The following DOCK1 variants were observed in gnomAD, a reference collection of about 807,000 sequenced individuals.
The protein encoded by DOCK1 is dedicator of cytokinesis protein 1.
In DOCK1, 138 loss-of-function variants were observed where a neutral mutation model predicts 262.7. That is an observed-to-expected ratio of 0.53 (90% CI 0.46 to 0.61). The LOEUF is 0.61. Ranked by LOEUF, DOCK1 falls within the 20% of genes least tolerant of loss-of-function variation. The pLI, the probability that DOCK1 is intolerant of heterozygous loss-of-function variation, is 0.00. For synonymous variants in DOCK1, 866 were observed against 867.4 expected, an observed-to-expected ratio of 1.00 and a Z score of 0.03; for missense variants, 1,908 against 2,370.7, an observed-to-expected ratio of 0.80 and a Z score of 4.05.
At chr10:127,416,421 C>A (rs1345213914) in intron 44 of DOCK1, among the ~76,000 whole-genome samples, 1 of 152,200 alleles carries the variant, frequency 6.6e-6, no homozygotes, top group Non-Finnish European at 1.5e-5. Flanking sequence ...ACCCTCTGCC[C>A]ATGAGCCCTT....
At chr10:127,255,641 G>T (rs2059804668) in intron 28 of DOCK1, among the ~76,000 whole-genome samples, 1 of 152,120 alleles carries the variant, frequency 6.6e-6, no homozygotes, top group Non-Finnish European at 1.5e-5. Context: ...TGTTTGATCA[G>T]CAAAGTACCA....
chr10:127,061,125 G>A (rs775856328), intron 22 of DOCK1, among the ~76,000 whole-genome samples: 8 of 152,186 alleles, frequency 5.3e-5, no homozygotes, highest in Non-Finnish European at 1.2e-4. Flanking sequence ...CTACTTGGGA[G>A]GTTGAGGCAG....
intron 23 of DOCK1, among the ~76,000 whole-genome samples, chr10:127,085,062 C>T (rs1273696206): frequency 6.6e-6 from 1 of 152,208 alleles, no homozygotes; most frequent in Non-Finnish European, 1.5e-5. Context: ...TTCCTCTCAA[C>T]TCCTGGCCTC....
chr10:127,290,656 GT>G (rs1179808208), intron 29 of DOCK1, among the ~76,000 whole-genome samples: 12 of 152,270 alleles, frequency 7.9e-5, no homozygotes, highest in African/African-American at 2.9e-4. Context: ...CCGTATGAAT[GT>G]TACATAAATG....
At chr10:127,180,229 G>A (rs145615804) in intron 27 of DOCK1, among the ~76,000 whole-genome samples, 14 of 152,262 alleles carry the variant, frequency 9.2e-5, no homozygotes, top group East Asian at 7.7e-4. Flanking sequence ...AGGTAGTTCC[G>A]GTAACACAGT....
chr10:126,983,331 C>A (rs1220456491), intron 4 of DOCK1, among the ~76,000 whole-genome samples: 2 of 152,162 alleles, frequency 1.3e-5, no homozygotes, highest in Non-Finnish European at 1.5e-5. Context: ...CATCCCTCTT[C>A]TTTTCCTCCA....
At position 127,175,721 on chromosome 10, in the gene DOCK1, G is replaced by A. The variant is rs61738666; in HGVS notation, c.2847+47957G>A. The A allele has an allele frequency of 1.2e-5, 20 of 1,613,838 alleles. No homozygotes were observed. The African/African-American group carries it at 1.6e-4, about 13-fold the overall frequency. On this transcript the variant is annotated intron_variant, in intron 27 of 51. Coordinates refer to ENST00000623213, the MANE Select transcript of DOCK1 (RefSeq NM_001290223.2). This position sits in a 1 kb window ranked among gnomAD's most constrained non-coding sequence, Gnocchi z 6.3. ...TCCCCCGGTCCTGCTTGGCCCTCCC[G>A]AGCAGCTGGTAATCGGGCTCTTCGG... is the stretch of plus-strand genomic sequence containing the variant.
In DOCK1 at chr10:127,381,348, C is replaced by T. The variant is rs1428247782; in HGVS notation, c.3787C>T (p.Leu1263Phe). Reference sequence around the variant, plus strand: ...CACCGAAGCGGCTTACACCTTGCTTCTCCATGCAAAGCTTCTTAAGGTAAT... The same window carrying T: ...CACCGAAGCGGCTTACACCTTGCTTTTCCATGCAAAGCTTCTTAAGGTAAT... ...NYTEAAYTLL[L>F]HAKLLKWSED... The change falls in exon 37 of 52, where the codon CTC becomes TTC. Residue 1263 changes from leucine (L) to phenylalanine (F), a missense_variant. Coordinates refer to ENST00000623213, the MANE Select transcript of DOCK1 (RefSeq NM_001290223.2). 1 of 1,612,240 alleles carries T rather than the reference C, an allele frequency of 6.2e-7. No individual in the cohort carries two copies. Among genetic ancestry groups the T allele is most frequent in the Admixed American group, 1.7e-5 (1 of 59,916 alleles).
At chr10:126,975,505 T>G (rs2038456030) in intron 2 of DOCK1, among the ~76,000 whole-genome samples, 1 of 152,232 alleles carries the variant, frequency 6.6e-6, no homozygotes, top group African/African-American at 2.4e-5. Context: ...CTTCTACCAC[T>G]CTTAACTGTG....
chr10:127,051,525 C>A (rs1203718647), intron 21 of DOCK1, among the ~76,000 whole-genome samples: 1 of 152,054 alleles, frequency 6.6e-6, no homozygotes, highest in African/African-American at 2.4e-5. Context: ...CTGTTTCATG[C>A]CTTTAAAAAA....
intron 27 of DOCK1, among the ~76,000 whole-genome samples, chr10:127,141,625 C>T (rs908835603): frequency 2.6e-5 from 4 of 151,796 alleles, no homozygotes; most frequent in Non-Finnish European, 5.9e-5. Flanking sequence ...GAGTTGAGAT[C>T]GTGCCACTGC....
chr10:127,083,268 T>C (rs150736190), intron 23 of DOCK1, among the ~76,000 whole-genome samples: 109 of 152,296 alleles, frequency 7.2e-4, no homozygotes, highest in African/African-American at 2.5e-3. Context: ...ATTTTGAAAA[T>C]GCACCTGCTG....
intron 38 of DOCK1, among the ~76,000 whole-genome samples, chr10:127,388,009 ACTGG>A (rs1436123452): frequency 6.6e-6 from 1 of 152,154 alleles, no homozygotes; most frequent in African/African-American, 2.4e-5. Flanking sequence ...GGTTCTCCTG[ACTGG>A]GGGAAGAGAA....
In DOCK1 at chr10:127,075,461, A is replaced by G. The variant is rs565101986; in HGVS notation, c.2445+13685A>G. Among the ~76,000 whole-genome samples the G allele has an allele frequency of 2.3e-3, 355 of 152,150 alleles. 2 individuals carry two copies. The highest frequency in any genetic ancestry group is 8.1e-3 in the African/African-American group (338 of 41,530). The stretch of plus-strand genomic sequence containing the variant: ...TAATTTTTGTAATTTTTGTAGAGAT[A>G]TGGTTTCGTCATATATTAGTCTATT... On this transcript the variant is annotated intron_variant, in intron 23 of 51. Coordinates refer to ENST00000623213, the MANE Select transcript of DOCK1 (RefSeq NM_001290223.2).
In DOCK1 at chr10:127,043,042, ATAT is replaced by A; in HGVS notation, c.2101-17_2101-15del. 1 of 1,551,892 alleles carries A rather than the reference ATAT, an allele frequency of 6.4e-7. No individual in the cohort carries two copies. On this transcript the variant is annotated intron_variant, in intron 20 of 51. Coordinates refer to ENST00000623213, the MANE Select transcript of DOCK1 (RefSeq NM_001290223.2). ...GGCTTACATTATGTTGCTAATGAAA[ATAT>A]TATTGATTAATTTGACAGGTATTTA...
At chr10:127,420,116 G>T (rs1365987647) in intron 46 of DOCK1, among the ~76,000 whole-genome samples, 2 of 152,250 alleles carry the variant, frequency 1.3e-5, no homozygotes, top group Non-Finnish European at 2.9e-5. Flanking sequence ...TCGGGCCAGT[G>T]CAGTCCCTGT....
chr10:127,308,823 A>G (rs996979503), intron 29 of DOCK1, among the ~76,000 whole-genome samples: 6 of 151,924 alleles, frequency 3.9e-5, no homozygotes, highest in Non-Finnish European at 7.4e-5. Flanking sequence ...CATTTTCTTT[A>G]TTCAGTCTAT....
chr10:127,271,214 C>T (rs2061181810), intron 29 of DOCK1, among the ~76,000 whole-genome samples: 1 of 152,078 alleles, frequency 6.6e-6, no homozygotes, highest in African/African-American at 2.4e-5. Context: ...TGAATGGACT[C>T]ACCTGCTGGT....
At chr10:127,279,847 GT>G (rs145666071) in intron 29 of DOCK1, among the ~76,000 whole-genome samples, 5,194 of 151,954 alleles carry the variant, frequency 0.034, 292 homozygotes, top group African/African-American at 0.12. Context: ...GGCAATGTTT[GT>G]TTTATTCCAT....
Sources: allele counts gnomAD v4.1 joint callset (sites outside exome capture counted in the v4.1 genomes callset), GRCh38; gene constraint gnomAD v4.1.1; non-coding constraint Gnocchi (gnomAD v3.1); transcripts MANE v1.5; gene names NCBI Gene and HGNC (gene_info 2026-07-23, HGNC 2026-07-21).